Variants in THBS4 observed in about 807,000 individuals in gnomAD.
THBS4 encodes thrombospondin-4.
In THBS4, 90 loss-of-function variants were observed where a neutral mutation model predicts 115.7. The ratio of observed to expected loss-of-function variants is 0.78; its 90% CI spans 0.66 to 0.93. The LOEUF is 0.93. Among genes scored for constraint, THBS4 ranks in the 40% least tolerant of loss-of-function variants. THBS4 has a pLI of 0.00. For missense variants in THBS4, 1,087 were observed against 1,232.7 expected (o/e 0.88, Z 1.77); for synonymous variants, 460 against 479.3 (o/e 0.96, Z 0.53).
chr5:80,024,735 G>T (rs543532698), intron 2 of THBS4, among the ~76,000 whole-genome samples: 1 of 152,266 alleles, frequency 6.6e-6, no homozygotes, highest in East Asian at 1.9e-4. Context: ...CTAAAAAACT[G>T]AGTTTTTGGC....
chr5:80,006,082 AC>A (rs1210621479), intron 2 of THBS4, among the ~76,000 whole-genome samples: 1 of 152,118 alleles, frequency 6.6e-6, no homozygotes, highest in African/African-American at 2.4e-5. Flanking sequence ...TTGTTTTTAA[AC>A]TAAAGCATGT....
At chr5:80,042,886 A>G (rs1057084692) in intron 2 of THBS4, among the ~76,000 whole-genome samples, 1 of 152,118 alleles carries the variant, frequency 6.6e-6, no homozygotes. Flanking sequence ...GAATCACTTG[A>G]ACCCAGGAGG....
At chr5:79,994,579 A>T (rs971450564) in intron 1 of THBS4, among the ~76,000 whole-genome samples, 3 of 152,196 alleles carry the variant, frequency 2.0e-5, no homozygotes, top group African/African-American at 7.2e-5. Context: ...TTTGGGAGGG[A>T]GGATCACTTG....
intron 1 of THBS4, chr5:80,036,298 C>A: frequency 1.5e-6 from 1 of 663,126 alleles, no homozygotes; most frequent in Non-Finnish European, 1.9e-6. Flanking sequence ...AAGCAAATAC[C>A]ATGTTCTCAC....
At chr5:80,067,400 T>TTA (rs1833870530) in intron 9 of THBS4, 1 of 151,746 alleles carries the variant, frequency 6.6e-6, no homozygotes, top group Non-Finnish European at 1.5e-5. Flanking sequence ...ATAATATATA[T>TTA]TATATATATA....
chr5:80,073,194 T>C (rs990113943), intron 14 of THBS4, 81 bp from the exon 15 acceptor site: 3 of 1,410,478 alleles, frequency 2.1e-6, no homozygotes, highest in Middle Eastern at 3.5e-4. Flanking sequence ...AATCCAATGA[T>C]GATGGGTGAG....
chr5:80,022,977 T>A (rs1832407849), intron 2 of THBS4, among the ~76,000 whole-genome samples: 1 of 152,184 alleles, frequency 6.6e-6, no homozygotes, highest in Non-Finnish European at 1.5e-5. Context: ...AGGATAGACC[T>A]TTCCCCTGGA....
chr5:80,013,329 A>C (rs754525470), intron 2 of THBS4, among the ~76,000 whole-genome samples: 7 of 151,978 alleles, frequency 4.6e-5, no homozygotes, highest in Admixed American at 6.6e-5. Flanking sequence ...TAGTAGAAAC[A>C]GGTTTCACCA....
intron 10 of THBS4, among the ~76,000 whole-genome samples, chr5:80,069,224 T>A (rs79719763): frequency 4.9e-4 from 75 of 152,342 alleles, no homozygotes; most frequent in African/African-American, 1.7e-3. Context: ...TCTTTATGCA[T>A]ACACAATTTT....
intron 2 of THBS4, among the ~76,000 whole-genome samples, chr5:80,026,275 C>G (rs1435271017): frequency 6.6e-6 from 1 of 152,166 alleles, no homozygotes; most frequent in Non-Finnish European, 1.5e-5. Context: ...GTTTGCGGTA[C>G]TAGGAGGCAA....
intron 2 of THBS4, among the ~76,000 whole-genome samples, chr5:80,049,914 G>A (rs1580946823): frequency 6.6e-6 from 1 of 152,310 alleles, no homozygotes; most frequent in African/African-American, 2.4e-5. Context: ...AAGTAGGAAG[G>A]GGAGTCAGGA....
chr5:80,066,113 A>C (rs1409954727), intron 9 of THBS4, among the ~76,000 whole-genome samples: 1 of 151,918 alleles, frequency 6.6e-6, no homozygotes. Context: ...AAAAAAAAAA[A>C]AACTTTTCAA....
intron 1 of THBS4, among the ~76,000 whole-genome samples, chr5:80,037,199 C>G (rs1380046592): frequency 1.3e-5 from 2 of 152,098 alleles, no homozygotes; most frequent in African/African-American, 4.8e-5. Context: ...TTAGGTATGT[C>G]TCAGACATAC....
chr5:80,045,718 A>G (rs1046310878), intron 2 of THBS4, among the ~76,000 whole-genome samples: 2 of 151,994 alleles, frequency 1.3e-5, no homozygotes, highest in African/African-American at 2.4e-5. Flanking sequence ...TTTAGTAGAG[A>G]CAGGGTTTCT....
intron 1 of THBS4, among the ~76,000 whole-genome samples, chr5:80,038,544 T>A (rs1261780339): frequency 6.6e-6 from 1 of 152,090 alleles, no homozygotes; most frequent in Non-Finnish European, 1.5e-5. Context: ...AGTTTAACCA[T>A]CCCCTCAATC....
chr5:80,070,210 C>A, intron 10 of THBS4, 96 bp from the exon 11 acceptor site: 3 of 1,033,144 alleles, frequency 2.9e-6, no homozygotes, highest in East Asian at 2.4e-5. Context: ...GGGCCCTCCC[C>A]CTGGGATTGA....
In THBS4 at chr5:80,083,077, C is replaced by T. The variant is rs1743610946; in HGVS notation, c.2825-3C>T. The stretch of plus-strand genomic sequence containing the variant: ...AACCTCCCTGTGCCCATTCCTATTG[C>T]AGACACCATCCCTGAGGACTTCCAA... On this transcript the variant is annotated splice_region_variant and splice_polypyrimidine_tract_variant and intron_variant, in intron 21 of 21. Coordinates refer to ENST00000350881, the MANE Select transcript of THBS4 (RefSeq NM_003248.6). 1.2e-6 allele frequency: 2 copies of T among 1,613,694 alleles called. No individual in the cohort carries two copies.
Position 80,080,006 on chromosome 5 carries a change from G to A in THBS4, c.2613G>A (p.Arg871=). 2 of 1,614,194 alleles carry A rather than the reference G, an allele frequency of 1.2e-6. No homozygotes were observed. The highest frequency in any genetic ancestry group is 1.7e-6 in the Non-Finnish European group (2 of 1,180,030). The change falls in exon 20 of 22, where the codon AGG becomes AGA. Residue 871 remains arginine (R), a synonymous_variant. Transcript: ENST00000350881. ...DQVRLLWKDS[R]NVGWKDKVSY... is the part of the protein sequence containing the mutation. Reference sequence around the variant, plus strand: ...TCAGGCTGCTGTGGAAGGACTCCAGGAATGTGGGCTGGAAGGACAAGGTGT... The same window carrying A: ...TCAGGCTGCTGTGGAAGGACTCCAGAAATGTGGGCTGGAAGGACAAGGTGT...
chr5:80,065,624 A>G (rs1223970266), intron 9 of THBS4, 147 bp downstream of exon 9: 4 of 569,118 alleles, frequency 7.0e-6, no homozygotes, highest in Non-Finnish European at 1.1e-5. Context: ...TTTGTGCTGA[A>G]AAAGTGTTTA....
Sources: gnomAD v4.1 joint callset for allele counts (sites outside exome capture counted in the v4.1 genomes callset) on GRCh38, gnomAD v4.1.1 for gene constraint, MANE v1.5 for transcripts, NCBI Gene and HGNC (gene_info 2026-07-23, HGNC 2026-07-21) for gene names.